Variants in NELL2 observed in about 807,000 individuals in gnomAD.
NELL2 encodes the protein neural EGFL like 2.
In NELL2, 41 loss-of-function variants were observed where a neutral mutation model predicts 109.6. The observed-to-expected ratio is 0.37, with a 90% CI of 0.29 to 0.49. The LOEUF (loss-of-function observed/expected upper bound fraction) is 0.49. Among genes scored for constraint, NELL2 ranks in the 20% least tolerant of loss-of-function variants. NELL2 has a pLI of 0.98. For synonymous variants in NELL2, 355 were observed against 344.7 expected, an observed-to-expected ratio of 1.03 and a Z score of -0.33; for missense variants, 900 against 1,008.3, an observed-to-expected ratio of 0.89 and a Z score of 1.45.
At chr12:44,877,844 G>C (rs1457480586), upstream of NELL2, among the ~76,000 whole-genome samples, 1 of 152,074 alleles carries the variant, frequency 6.6e-6, no homozygotes, top group Admixed American at 6.5e-5. Flanking sequence ...AGTGATAAAG[G>C]ATTGTCATAT....
chr12:44,875,758 T>C lies in NELL2; in HGVS notation c.55+57A>G, dbSNP rs374395856. On this transcript the variant is annotated intron_variant, in intron 1 of 19. Coordinates refer to ENST00000429094, the MANE Select transcript of NELL2 (RefSeq NM_001145108.2). ...AAGCGAGGCTTCCCCAGCCAGCCCA[T>C]GCTGCCCCGAGGCGGGAGCCATCCC... 746 of 1,611,678 alleles carry C rather than the reference T, an allele frequency of 4.6e-4. 3 individuals are homozygous for C. In the African/African-American group the frequency reaches 8.0e-3, roughly 17 times the overall value.
intron 2 of NELL2, among the ~76,000 whole-genome samples, chr12:44,849,573 C>A (rs549402138): frequency 6.0e-4 from 91 of 152,274 alleles, no homozygotes; most frequent in Non-Finnish European, 1.1e-3. Context: ...GGTACAATCA[C>A]TTAGGTGAAC....
chr12:44,782,456 T>G (rs963111380), intron 3 of NELL2, among the ~76,000 whole-genome samples: 1 of 151,948 alleles, frequency 6.6e-6, no homozygotes, highest in African/African-American at 2.4e-5. Flanking sequence ...AGAAAGAGAT[T>G]AGCAGAAGGG....
intron 9 of NELL2, among the ~76,000 whole-genome samples, chr12:44,745,929 C>T (rs1410661498): frequency 6.6e-5 from 10 of 152,140 alleles, no homozygotes; most frequent in Non-Finnish European, 1.2e-4. Flanking sequence ...ACTTTCTTCA[C>T]AGAATTGGAA....
At chr12:44,569,987 T>C (rs2136194157) in intron 15 of NELL2, among the ~76,000 whole-genome samples, 1 of 152,302 alleles carries the variant, frequency 6.6e-6, no homozygotes, top group South Asian at 2.1e-4. Context: ...CTGACATGTT[T>C]CGTGATACAA....
chr12:44,610,834 T>C lies in NELL2; in HGVS notation c.1567+14A>G. On this transcript the variant is annotated intron_variant, in intron 14 of 19. Transcript: ENST00000429094. Reference sequence around the variant, plus strand: ...ATACATAATGGAAGAGGCACTGGCATTTAAACCTTTTACCTTTGCATGTCG... The same window carrying C: ...ATACATAATGGAAGAGGCACTGGCACTTAAACCTTTTACCTTTGCATGTCG... 1.2e-6 allele frequency: 2 copies of C among 1,612,672 alleles called. No homozygotes were observed. Among genetic ancestry groups the C allele is most frequent in the Non-Finnish European group, 1.7e-6 (2 of 1,179,012 alleles).
chr12:44,915,313 T>C (rs913236195), upstream of NELL2, among the ~76,000 whole-genome samples: 2 of 152,234 alleles, frequency 1.3e-5, no homozygotes, highest in African/African-American at 2.4e-5. Context: ...TTAAAAGATA[T>C]ACAATATGCA....
intron 2 of NELL2, among the ~76,000 whole-genome samples, chr12:44,824,875 T>C (rs945805426): frequency 3.3e-5 from 5 of 151,960 alleles, no homozygotes; most frequent in Non-Finnish European, 7.4e-5. Flanking sequence ...AACGCCTGGC[T>C]GATTTTTTAT....
chr12:44,647,153 G>A (rs1193041486), intron 13 of NELL2, among the ~76,000 whole-genome samples: 1 of 151,742 alleles, frequency 6.6e-6, no homozygotes, highest in Non-Finnish European at 1.5e-5. Flanking sequence ...CAAGGAGTGG[G>A]TAGCAGGGCC....
intron 2 of NELL2, among the ~76,000 whole-genome samples, chr12:44,866,627 G>C (rs1945008184): frequency 6.6e-6 from 1 of 151,834 alleles, no homozygotes. Flanking sequence ...AAATAATAAA[G>C]ATCAGAGCAG....
At chr12:44,827,607 AACATAAACAC>A (rs1354375964) in intron 2 of NELL2, among the ~76,000 whole-genome samples, 1 of 152,138 alleles carries the variant, frequency 6.6e-6, no homozygotes, top group Non-Finnish European at 1.5e-5. Context: ...TCTTTCACTT[AACATAAACAC>A]CTCCAGTTCC....
intron 8 of NELL2, among the ~76,000 whole-genome samples, chr12:44,775,166 A>T (rs548772697): frequency 6.8e-6 from 1 of 147,074 alleles, no homozygotes; most frequent in South Asian, 2.1e-4. Context: ...CATTTAAAAA[A>T]TTTAGGAACA....
intron 1 of NELL2, among the ~76,000 whole-genome samples, chr12:44,907,174 T>C (rs1945728733): frequency 6.6e-6 from 1 of 152,120 alleles, no homozygotes. Flanking sequence ...CCTGCAGAAC[T>C]ATGAGTCAAT....
chr12:44,847,567 GAA>G (rs5797920), intron 2 of NELL2, among the ~76,000 whole-genome samples: 2 of 142,948 alleles, frequency 1.4e-5, no homozygotes, highest in Admixed American at 7.0e-5. Context: ...AGAAATGGGG[GAA>G]AAAAAAAAAA....
At chr12:44,537,505 C>A (rs1280736314) in intron 15 of NELL2, among the ~76,000 whole-genome samples, 1 of 151,928 alleles carries the variant, frequency 6.6e-6, no homozygotes, top group African/African-American at 2.4e-5. Context: ...ACATAGAGTA[C>A]TCTTTTTCAT....
At chr12:44,839,977 C>T (rs576886211) in intron 2 of NELL2, among the ~76,000 whole-genome samples, 2 of 152,300 alleles carry the variant, frequency 1.3e-5, no homozygotes, top group South Asian at 4.1e-4. Context: ...TTGTTACTAC[C>T]CTTTCAACCT....
chr12:44,588,464 C>T (rs12810632), intron 15 of NELL2, among the ~76,000 whole-genome samples: 27,498 of 152,102 alleles, frequency 0.18, 2,705 homozygotes, highest in East Asian at 0.28. Flanking sequence ...ATGACGTCCA[C>T]TGGCTTAGGG....
At chr12:44,566,434 T>C (rs892911448) in intron 15 of NELL2, among the ~76,000 whole-genome samples, 2 of 152,102 alleles carry the variant, frequency 1.3e-5, no homozygotes, top group South Asian at 2.1e-4. Context: ...GTTAATATTA[T>C]CAGGAATGGA....
chr12:44,666,404 A>T (rs1344215769), intron 12 of NELL2, among the ~76,000 whole-genome samples: 1 of 152,210 alleles, frequency 6.6e-6, no homozygotes, highest in African/African-American at 2.4e-5. Context: ...TAAGGACCTT[A>T]ATGCATTGGT....
Sources: gnomAD v4.1 joint callset for allele counts (sites outside exome capture counted in the v4.1 genomes callset) on GRCh38, gnomAD v4.1.1 for gene constraint, MANE v1.5 for transcripts, NCBI Gene and HGNC (gene_info 2026-07-23, HGNC 2026-07-21) for gene names.